STXBP4: variants seen among roughly 807,000 people sequenced by gnomAD.
The protein encoded by STXBP4 is syntaxin binding protein 4, also known as syntaxin-binding protein 4.
Under a neutral mutation model 76.1 loss-of-function variants are expected in STXBP4, and 55 were observed. The ratio of observed to expected loss-of-function variants is 0.72; its 90% CI spans 0.58 to 0.91. The LOEUF is 0.91. Ranked by LOEUF, STXBP4 falls within the 40% of genes least tolerant of loss-of-function variation. The pLI is 0.00. For missense variants in STXBP4, 618 were observed against 636.9 expected, an observed-to-expected ratio of 0.97 and a Z score of 0.32; for synonymous variants, 201 against 220.2, an observed-to-expected ratio of 0.91 and a Z score of 0.77.
At chr17:55,138,672 T>C (rs1456308052) in intron 16 of STXBP4, among the ~76,000 whole-genome samples, 1 of 152,078 alleles carries the variant, frequency 6.6e-6, no homozygotes, top group East Asian at 1.9e-4. Flanking sequence ...AGTATAAAGA[T>C]ATGGTAAATG....
At chr17:55,032,631 C>T (rs2078529138) in intron 9 of STXBP4, among the ~76,000 whole-genome samples, 1 of 152,110 alleles carries the variant, frequency 6.6e-6, no homozygotes, top group South Asian at 2.1e-4. Flanking sequence ...TCCGGCATCT[C>T]CCACCGTACA....
intron 17 of STXBP4, among the ~76,000 whole-genome samples, chr17:55,147,467 T>G (rs1368576999): frequency 6.6e-6 from 1 of 152,212 alleles, no homozygotes; most frequent in Non-Finnish European, 1.5e-5. Context: ...TACGAGTCCA[T>G]GGCCCGGGGG....
At chr17:55,126,666 T>A (rs2079916284) in intron 16 of STXBP4, among the ~76,000 whole-genome samples, 2 of 152,138 alleles carry the variant, frequency 1.3e-5, no homozygotes, top group African/African-American at 4.8e-5. Context: ...ACTGAAGAAA[T>A]CCCTAAATCA....
intron 12 of STXBP4, among the ~76,000 whole-genome samples, chr17:55,050,721 G>T (rs916236240): frequency 6.6e-6 from 1 of 152,170 alleles, no homozygotes; most frequent in Non-Finnish European, 1.5e-5. Flanking sequence ...AGGCTGTAGT[G>T]CAGGGACACG....
At chr17:55,072,712 AAG>A (rs950461638) in intron 12 of STXBP4, among the ~76,000 whole-genome samples, 186 bp from the exon 13 acceptor site, 4 of 152,208 alleles carry the variant, frequency 2.6e-5, no homozygotes, top group Non-Finnish European at 5.9e-5. Context: ...ACAAAGGAAA[AAG>A]TAAGATCAGG....
Position 55,170,970 on chromosome 17 carries a change from A to G in STXBP4, c.*11059A>G, listed in dbSNP as rs1196596489. On this transcript the variant is annotated 3_prime_UTR_variant, in exon 18 of 18. Coordinates refer to ENST00000376352, the MANE Select transcript of STXBP4 (RefSeq NM_178509.6). ...GCCAATTCTGTGATTATGGATGTCA[A>G]CTTATCTCAGAGCAGTATCATTGGT... The G allele has an allele frequency of 1.3e-5, 2 of 152,188 alleles. No homozygotes were observed. The highest frequency in any genetic ancestry group is 2.4e-5 in the African/African-American group (1 of 41,454). The allele number at this position is 152,188 out of a possible 1,614,324, so 9.4% of individuals were successfully genotyped here.
chr17:55,062,604 G>A (rs2079007745), intron 12 of STXBP4, among the ~76,000 whole-genome samples: 2 of 151,938 alleles, frequency 1.3e-5, no homozygotes, highest in Admixed American at 6.6e-5. Context: ...AATCCTTTAG[G>A]TATATAACCA....
At chr17:55,192,800 T>C in the STXBP4 span, among the ~76,000 whole-genome samples, 1 of 152,164 alleles carries the variant, frequency 6.6e-6, no homozygotes, top group African/African-American at 2.4e-5. Context: ...ATCCAGCCAG[T>C]ATGTAGTGAA....
chr17:55,056,537 TTTTTAAGCAAG>T (rs1292535904), intron 12 of STXBP4, among the ~76,000 whole-genome samples: 1 of 152,210 alleles, frequency 6.6e-6, no homozygotes. Flanking sequence ...GAAGAATTTG[TTTTTAAGCAAG>T]ATCTTTTCAA....
chr17:55,070,327 A>G (rs561262867), intron 12 of STXBP4, among the ~76,000 whole-genome samples: 25 of 152,314 alleles, frequency 1.6e-4, no homozygotes, highest in African/African-American at 6.0e-4. Context: ...GTTAGCCATT[A>G]TCTCCTGTAT....
intron 12 of STXBP4, among the ~76,000 whole-genome samples, chr17:55,060,063 A>T (rs1409691520): frequency 2.6e-5 from 4 of 152,116 alleles, no homozygotes; most frequent in African/African-American, 9.7e-5. Context: ...AATAATTAAA[A>T]ATACATGTAT....
intron 10 of STXBP4, among the ~76,000 whole-genome samples, chr17:55,036,210 C>T (rs937043146): frequency 1.3e-5 from 2 of 151,952 alleles, no homozygotes; most frequent in Non-Finnish European, 2.9e-5. Flanking sequence ...GGCTAATCTT[C>T]AGTCTTATCT....
intron 12 of STXBP4, among the ~76,000 whole-genome samples, chr17:55,052,056 G>T (rs2078866532): frequency 6.6e-6 from 1 of 152,010 alleles, no homozygotes; most frequent in Non-Finnish European, 1.5e-5. Flanking sequence ...ATCTGTATAT[G>T]TATATTTTCC....
chr17:55,034,985 A>G (rs1356056723), intron 10 of STXBP4, among the ~76,000 whole-genome samples: 1 of 151,976 alleles, frequency 6.6e-6, no homozygotes, highest in Non-Finnish European at 1.5e-5. Context: ...TTTATGTTCT[A>G]TATAATTTGT....
the STXBP4 span, among the ~76,000 whole-genome samples, chr17:55,192,575 A>C: frequency 6.6e-6 from 1 of 152,204 alleles, no homozygotes; most frequent in Non-Finnish European, 1.5e-5. Context: ...CTTCTGGATG[A>C]AAGGAAATAC....
chr17:55,004,444 A>G (rs543313902), intron 7 of STXBP4, among the ~76,000 whole-genome samples: 1 of 152,172 alleles, frequency 6.6e-6, no homozygotes, highest in African/African-American at 2.4e-5. Flanking sequence ...GCTCACACCT[A>G]TAATCTCAGC....
chr17:55,003,117 A>G (rs957421053), intron 7 of STXBP4, among the ~76,000 whole-genome samples: 9 of 152,180 alleles, frequency 5.9e-5, no homozygotes, highest in Non-Finnish European at 1.0e-4. Flanking sequence ...ACATCAATTG[A>G]TAACTGAACA....
intron 12 of STXBP4, among the ~76,000 whole-genome samples, chr17:55,068,871 G>T (rs1055300820): frequency 6.6e-6 from 1 of 151,976 alleles, no homozygotes; most frequent in African/African-American, 2.4e-5. Context: ...CCCATTCAAA[G>T]CCCATGTTTT....
In STXBP4 at chr17:55,128,155, T is replaced by G. The variant is rs368128183; in HGVS notation, c.1490-13155T>G. On this transcript the variant is annotated intron_variant, in intron 16 of 17. Transcript: ENST00000376352. Reference sequence around the variant, plus strand: ...ATCATCAGTCTTCATGGGAGGCAAATTTCTACAGTCAGTCAACAGATAGTT... The same window carrying G: ...ATCATCAGTCTTCATGGGAGGCAAAGTTCTACAGTCAGTCAACAGATAGTT... 1.6e-3 allele frequency among the ~76,000 whole-genome samples: 239 copies of G among 152,324 alleles called. 7 individuals are homozygous for G. The South Asian group carries it at 0.045, about 29-fold the overall frequency.
Sources: gnomAD v4.1 joint callset for allele counts (sites outside exome capture counted in the v4.1 genomes callset) on GRCh38, gnomAD v4.1.1 for gene constraint, MANE v1.5 for transcripts, NCBI Gene and HGNC (gene_info 2026-07-23, HGNC 2026-07-21) for gene names.